The following NBAS variants were observed in gnomAD, a reference collection of about 807,000 sequenced individuals.
NBAS encodes NBAS subunit of NRZ tethering complex, also known as NAG/BC035112 fusion.
A neutral mutation model predicts 302.5 loss-of-function variants in NBAS; 219 were observed. The ratio of observed to expected loss-of-function variants is 0.72; its 90% confidence interval spans 0.65 to 0.81. The LOEUF (loss-of-function observed/expected upper bound fraction) is 0.81. NBAS is among the 30% of genes least tolerant of loss of function. The pLI is 0.00. For synonymous variants in NBAS, 1,118 were observed against 1,021.6 expected (o/e 1.09, Z -1.80); for missense variants, 2,932 against 2,841.6 (o/e 1.03, Z -0.72).
intron 51 of NBAS, among the ~76,000 whole-genome samples, chr2:15,174,478 T>G (rs1165371358): frequency 1.3e-5 from 2 of 152,180 alleles, no homozygotes; most frequent in African/African-American, 4.8e-5. Flanking sequence ...GGTGCTCTCG[T>G]GTCATAATCT....
At chr2:15,535,248 G>A (rs974439382) in intron 8 of NBAS, among the ~76,000 whole-genome samples, 4 of 152,164 alleles carry the variant, frequency 2.6e-5, no homozygotes, top group African/African-American at 7.2e-5. Context: ...TAGGCCAGGC[G>A]CAGTGGCTCA....
chr2:15,386,326 A>T (rs1410427320), intron 28 of NBAS, among the ~76,000 whole-genome samples: 1 of 152,194 alleles, frequency 6.6e-6, no homozygotes, highest in Non-Finnish European at 1.5e-5. Context: ...CTCTTAAAAG[A>T]TAGGAAGGAA....
At position 15,287,130 on chromosome 2, in the gene NBAS, C is replaced by G. The variant is rs757665960; in HGVS notation, c.5081G>C (p.Ser1694Thr). The G allele has an allele frequency of 1.2e-6, 2 of 1,614,060 alleles. No homozygotes were observed. The highest frequency in any genetic ancestry group is 1.7e-5 in the Admixed American group (1 of 60,028). Residue 1694 changes from serine to threonine, a missense_variant, in exon 42 of 52, where the codon AGT becomes ACT. Ser to Thr is a moderately conservative substitution (Grantham distance 58, BLOSUM62 1). Transcript: ENST00000281513. Reference sequence around the variant, plus strand: ...CATAAAAACTTCCCAGCGGGAGACACTGTAACGTTGTGCCAGAGAAATAGC... The same window carrying G: ...CATAAAAACTTCCCAGCGGGAGACAGTGTAACGTTGTGCCAGAGAAATAGC... Reference protein sequence around the residue: ...SIAISLAQRYSVSRWEVFMTH... With the variant: ...SIAISLAQRYTVSRWEVFMTH...
intron 28 of NBAS, among the ~76,000 whole-genome samples, chr2:15,385,447 A>C (rs1675241718): frequency 1.3e-5 from 2 of 152,204 alleles, no homozygotes; most frequent in Non-Finnish European, 2.9e-5. Context: ...GCTAGCTGTA[A>C]GTACAGGTTC....
In NBAS at chr2:15,475,706, C is replaced by T; in HGVS notation, c.1322G>A (p.Gly441Glu). ...CCTTACCTCCAAACTTAAAAATCCC[C>T]CATCATGGGTAGCAGTGACTTGAGG... The part of the protein sequence containing the change: ...PSPQVTATHD[G>E]GFLSLECEIK... Residue 441 changes from glycine (G) to glutamate (E), a missense_variant, in exon 14 of 52, where the codon GGG becomes GAG. Coordinates refer to ENST00000281513, the MANE Select transcript of NBAS (RefSeq NM_015909.4). The T allele has an allele frequency of 6.2e-7, 1 of 1,613,978 alleles. No homozygotes were observed. Among genetic ancestry groups the T allele is most frequent in the Non-Finnish European group, 8.5e-7 (1 of 1,179,956 alleles).
In NBAS at chr2:15,419,583, T is replaced by C. The variant is rs532165551; in HGVS notation, c.2578-1871A>G. Among the ~76,000 whole-genome samples the C allele has an allele frequency of 7.2e-5, 11 of 152,210 alleles. 1 individual carries two copies. In the South Asian group the frequency reaches 1.5e-3, roughly 20 times the overall value. Reference sequence around the variant, plus strand: ...ACTAAAGGCGCATGCCACCATGCCATGCCTGGCTTTTAATTCTATATTGAC... The same window carrying C: ...ACTAAAGGCGCATGCCACCATGCCACGCCTGGCTTTTAATTCTATATTGAC... On this transcript the variant is annotated intron_variant, in intron 23 of 51. Transcript: ENST00000281513.
intron 9 of NBAS, among the ~76,000 whole-genome samples, chr2:15,514,665 T>C (rs1662305737): frequency 6.6e-6 from 1 of 151,158 alleles, no homozygotes; most frequent in Non-Finnish European, 1.5e-5. Flanking sequence ...TAAAAACATA[T>C]AATATAGTAA....
the NBAS span, among the ~76,000 whole-genome samples, chr2:14,963,250 A>G: frequency 6.6e-6 from 1 of 152,196 alleles, no homozygotes; most frequent in Non-Finnish European, 1.5e-5. Context: ...CCTGGGTGAC[A>G]GAGTGAGACT....
chr2:15,388,918 T>TAA (rs200866316), intron 28 of NBAS, among the ~76,000 whole-genome samples: 4 of 150,556 alleles, frequency 2.7e-5, no homozygotes, highest in African/African-American at 7.3e-5. Context: ...TTATATAAAG[T>TAA]AAAAAAAAGA....
intron 23 of NBAS, among the ~76,000 whole-genome samples, 179 bp from the exon 24 acceptor site, chr2:15,417,891 C>T (rs138998444): frequency 6.6e-6 from 1 of 152,276 alleles, no homozygotes; most frequent in East Asian, 1.9e-4. Flanking sequence ...AATACATCAG[C>T]ATCAAACTGT....
At chr2:15,144,069 C>T in the NBAS span, among the ~76,000 whole-genome samples, 30 of 89,378 alleles carry the variant, frequency 3.4e-4, no homozygotes, top group Non-Finnish European at 1.4e-4. Flanking sequence ...ATATATATAT[C>T]TCCCATTAGT....
At chr2:14,928,034 AT>A in the NBAS span, among the ~76,000 whole-genome samples, 1 of 151,868 alleles carries the variant, frequency 6.6e-6, no homozygotes, top group Non-Finnish European at 1.5e-5. Flanking sequence ...TTTCCACTTT[AT>A]TTATTTTCCC....
At chr2:15,460,083 T>C (rs943565119) in intron 21 of NBAS, among the ~76,000 whole-genome samples, 10 of 152,180 alleles carry the variant, frequency 6.6e-5, no homozygotes, top group Non-Finnish European at 1.3e-4. Context: ...AATAGGATAT[T>C]GAGTGGAGGC....
In NBAS at chr2:15,175,029, G is replaced by A. The variant is rs564763132; in HGVS notation, c.6840+3959C>T. Among the ~76,000 whole-genome samples the A allele has an allele frequency of 6.4e-4, 98 of 151,960 alleles. 1 individual carries two copies. Among genetic ancestry groups the A allele is most frequent in the Middle Eastern group, 3.4e-3 (1 of 294 alleles). On this transcript the variant is annotated intron_variant, in intron 51 of 51. Transcript: ENST00000281513. ...TCACTGCAGGCTGGAGTGCAGTGGCGCGATCTCAGCTCACTGCAGCTCCAC... is the reference window on the plus strand; with the variant it reads ...TCACTGCAGGCTGGAGTGCAGTGGCACGATCTCAGCTCACTGCAGCTCCAC...
chr2:14,784,768 GTTCTT>G, the NBAS span, among the ~76,000 whole-genome samples: 1 of 152,126 alleles, frequency 6.6e-6, no homozygotes, highest in Admixed American at 6.5e-5. Flanking sequence ...CTCCAGCTTT[GTTCTT>G]TTGTCTTAGG....
intron 48 of NBAS, among the ~76,000 whole-genome samples, chr2:15,213,583 G>A (rs1229364582): frequency 6.6e-6 from 1 of 152,182 alleles, no homozygotes; most frequent in Non-Finnish European, 1.5e-5. Context: ...ACAAGGCCAA[G>A]AATATAGGTT....
the NBAS span, among the ~76,000 whole-genome samples, chr2:14,781,258 G>A: frequency 6.6e-6 from 1 of 152,158 alleles, no homozygotes; most frequent in African/African-American, 2.4e-5. Context: ...TGTCTCCGTA[G>A]TGCCTTTACA....
the NBAS span, among the ~76,000 whole-genome samples, chr2:14,829,665 A>G: frequency 6.6e-6 from 1 of 152,090 alleles, no homozygotes; most frequent in East Asian, 1.9e-4. Context: ...ACACCATGCC[A>G]CTCATAGAAA....
At chr2:14,957,259 C>G in the NBAS span, among the ~76,000 whole-genome samples, 1 of 144,796 alleles carries the variant, frequency 6.9e-6, no homozygotes, top group East Asian at 2.1e-4. Context: ...ATCTTACTGG[C>G]GTTTAGTTTA....
Sources: gnomAD v4.1 joint callset for allele counts (sites outside exome capture counted in the v4.1 genomes callset) on GRCh38, gnomAD v4.1.1 for gene constraint, MANE v1.5 for transcripts, NCBI Gene and HGNC (gene_info 2026-07-23, HGNC 2026-07-21) for gene names.